The following TBXAS1 variants were observed in gnomAD, a reference collection of about 807,000 sequenced individuals.
TBXAS1 encodes the protein thromboxane A synthase 1, also known as thromboxane-A synthase.
Under a neutral mutation model 60.7 loss-of-function variants are expected in TBXAS1, and 48 were observed. The ratio of observed to expected loss-of-function variants is 0.79; its 90% CI spans 0.63 to 1.01. The LOEUF is 1.01. Among genes scored for constraint, TBXAS1 ranks in the 50% least tolerant of loss-of-function variants. The probability of loss-of-function intolerance (pLI) is 0.00; values close to 1 mark genes in which losing one functional copy is unlikely to be tolerated. For missense variants in TBXAS1, 685 were observed against 686.3 expected (o/e 1.00, Z 0.02); for synonymous variants, 287 against 269.7 (o/e 1.06, Z -0.63).
intron 4 of TBXAS1, among the ~76,000 whole-genome samples, chr7:139,918,073 C>T (rs771594792): frequency 1.3e-4 from 20 of 152,148 alleles, no homozygotes; most frequent in Non-Finnish European, 2.5e-4. Context: ...TGTCTTTCTC[C>T]GCCCCAATCT....
At chr7:139,984,111 G>A (rs1812159629) in intron 9 of TBXAS1, among the ~76,000 whole-genome samples, 1 of 152,222 alleles carries the variant, frequency 6.6e-6, no homozygotes, top group African/African-American at 2.4e-5. Context: ...TAAAGCTGCT[G>A]GACCCCTTAC....
chr7:140,011,114 T>C (rs1361992334), intron 10 of TBXAS1, among the ~76,000 whole-genome samples: 1 of 151,788 alleles, frequency 6.6e-6, no homozygotes, highest in East Asian at 1.9e-4. Context: ...CTGACTCTAC[T>C]AAAAATACAA....
chr7:139,813,255 G>A (rs1046941845), intron 4 of TBXAS1, among the ~76,000 whole-genome samples: 7 of 152,060 alleles, frequency 4.6e-5, no homozygotes, highest in African/African-American at 1.7e-4. Context: ...TTTCGTATTC[G>A]GCCTTTCAGA....
chr7:139,842,837 G>C (rs1428195242), intron 1 of TBXAS1, among the ~76,000 whole-genome samples: 1 of 152,218 alleles, frequency 6.6e-6, no homozygotes, highest in Non-Finnish European at 1.5e-5. Context: ...TTTCGCTTGA[G>C]CAGTCAGCCA....
intron 4 of TBXAS1, among the ~76,000 whole-genome samples, chr7:139,801,159 T>C (rs575495584): frequency 2.9e-4 from 44 of 152,360 alleles, no homozygotes; most frequent in African/African-American, 1.0e-3. Flanking sequence ...CATTTTTCCA[T>C]TTATGTGTTT....
intron 4 of TBXAS1, among the ~76,000 whole-genome samples, chr7:139,820,544 T>G (rs1435978450): frequency 2.0e-5 from 3 of 151,980 alleles, no homozygotes; most frequent in African/African-American, 7.3e-5. Context: ...TCGGAGGAGG[T>G]CTGTATTAAT....
chr7:139,979,375 AAAAAAAC>A (rs2117496527), intron 9 of TBXAS1, among the ~76,000 whole-genome samples: 1 of 152,320 alleles, frequency 6.6e-6, no homozygotes, highest in South Asian at 2.1e-4. Flanking sequence ...TTTACCATAA[AAAAAAAC>A]AAAAAACTTG....
intron 9 of TBXAS1, among the ~76,000 whole-genome samples, chr7:139,984,946 A>AAAAGAAAGAAAGAAAG (rs111228602): frequency 7.1e-6 from 1 of 141,774 alleles, no homozygotes; most frequent in Admixed American, 7.3e-5. Context: ...GAAAGAAAAG[A>AAAAGAAAGAAAGAAAG]AAAGAAAGAA....
intron 9 of TBXAS1, among the ~76,000 whole-genome samples, chr7:139,983,261 A>G (rs1392747592): frequency 6.6e-6 from 1 of 152,188 alleles, no homozygotes; most frequent in Admixed American, 6.6e-5. Flanking sequence ...GGAGGTCTCA[A>G]CCATGAACCT....
chr7:139,856,785 C>T (rs559961752), intron 1 of TBXAS1, among the ~76,000 whole-genome samples: 92 of 152,254 alleles, frequency 6.0e-4, no homozygotes, highest in Non-Finnish European at 1.2e-3. Flanking sequence ...ATCCTCCATA[C>T]AATGGCCAGA....
rs1805188073 is a variant in TBXAS1, at chr7:139,907,388, GAT to G, written c.237-3831_237-3830del. 4.6e-5 allele frequency among the ~76,000 whole-genome samples: 7 copies of G among 152,196 alleles called. No individual in the cohort carries two copies. In the South Asian group the frequency reaches 1.5e-3, roughly 32 times the overall value. ...CCTAGAATAAATACCACTTGGTTTT[GAT>G]ATATAAGTCTTTTTATATAGTGCTA... is the stretch of plus-strand genomic sequence containing the variant. On this transcript the variant is annotated intron_variant, in intron 3 of 12. Transcript: ENST00000448866.
rs145702102 is a variant in TBXAS1 at position 139,887,597 on chromosome 7, G to A, written c.236+11960G>A. 4.7e-3 allele frequency among the ~76,000 whole-genome samples: 711 copies of A among 152,284 alleles called. 5 individuals carry two copies. Among genetic ancestry groups the A allele is most frequent in the African/African-American group, 0.017 (696 of 41,540 alleles). On this transcript the variant is annotated intron_variant, in intron 3 of 12. Transcript: ENST00000448866. ...AGGTTAATCCATGTTGTAGCACATG[G>A]GAGAACTACTGCCTTTTTAAGGCTG...
intron 5 of TBXAS1, among the ~76,000 whole-genome samples, chr7:139,938,267 G>A (rs967039808): frequency 2.0e-5 from 3 of 152,258 alleles, no homozygotes; most frequent in Non-Finnish European, 4.4e-5. Flanking sequence ...GGCCCACCGG[G>A]ATCACTTGGG....
At chr7:139,838,616 TATTA>T (rs774767211) in intron 1 of TBXAS1, among the ~76,000 whole-genome samples, 8 of 152,206 alleles carry the variant, frequency 5.3e-5, no homozygotes, top group Non-Finnish European at 7.3e-5. Flanking sequence ...AATGCACACT[TATTA>T]ATTATTAGGT....
At chr7:139,941,342 G>A (rs920087999) in intron 5 of TBXAS1, among the ~76,000 whole-genome samples, 2 of 152,116 alleles carry the variant, frequency 1.3e-5, no homozygotes, top group Non-Finnish European at 2.9e-5. Context: ...TCGTTTATGC[G>A]GATATTAGGT....
chr7:139,937,237 T>G (rs1042541184), intron 5 of TBXAS1, among the ~76,000 whole-genome samples: 9 of 152,178 alleles, frequency 5.9e-5, no homozygotes, highest in Non-Finnish European at 1.5e-5. Flanking sequence ...CAGGCATCTC[T>G]AGAGCAAGGG....
chr7:139,968,587 G>T (rs772690801), intron 9 of TBXAS1, among the ~76,000 whole-genome samples: 1 of 152,172 alleles, frequency 6.6e-6, no homozygotes, highest in Non-Finnish European at 1.5e-5. Context: ...GAGCCACCGC[G>T]CCCGGCTTCA....
chr7:139,844,730 C>T (rs117601192), intron 1 of TBXAS1, among the ~76,000 whole-genome samples: 4,901 of 152,304 alleles, frequency 0.032, 132 homozygotes, highest in Middle Eastern at 0.071. Flanking sequence ...AGGATTTTAA[C>T]TCCATCCGTA....
chr7:139,974,068 T>A (rs977583612), intron 9 of TBXAS1, among the ~76,000 whole-genome samples: 4 of 152,196 alleles, frequency 2.6e-5, no homozygotes, highest in Non-Finnish European at 5.9e-5. Context: ...CTCCAAGACA[T>A]TTTAATTAGT....
Sources: gnomAD v4.1 joint callset for allele counts (sites outside exome capture counted in the v4.1 genomes callset) on GRCh38, gnomAD v4.1.1 for gene constraint, MANE v1.5 for transcripts, NCBI Gene and HGNC (gene_info 2026-07-23, HGNC 2026-07-21) for gene names.